Variants in EPS15L1 observed in about 807,000 individuals in gnomAD.
EPS15L1 encodes the protein epidermal growth factor receptor pathway substrate 15 like 1.
A neutral mutation model predicts 117.1 loss-of-function variants in EPS15L1; 43 were observed. That is an observed-to-expected ratio of 0.37 (90% confidence interval 0.29 to 0.47). The LOEUF (loss-of-function observed/expected upper bound fraction) is 0.47, where lower values mean the gene tolerates loss of function less well. EPS15L1 is among the 20% of genes least tolerant of loss of function. The pLI is 0.99. For synonymous variants in EPS15L1, 459 were observed against 470.5 expected, an observed-to-expected ratio of 0.98 and a Z score of 0.32; for missense variants, 981 against 1,164.0, an observed-to-expected ratio of 0.84 and a Z score of 2.29.
intron 1 of EPS15L1, among the ~76,000 whole-genome samples, chr19:16,459,085 G>GT (rs2093224036): frequency 6.6e-6 from 1 of 152,318 alleles, no homozygotes; most frequent in African/African-American, 2.4e-5. Flanking sequence ...AAGTAGCTGC[G>GT]TATCTAAACA....
At chr19:16,410,951 T>G (rs1568427699) in intron 13 of EPS15L1, among the ~76,000 whole-genome samples, 2 of 152,092 alleles carry the variant, frequency 1.3e-5, no homozygotes, top group South Asian at 4.1e-4. Flanking sequence ...CAATGGAATA[T>G]TATTCTGCCA....
intron 13 of EPS15L1, among the ~76,000 whole-genome samples, chr19:16,411,090 T>G (rs1252867379): frequency 6.6e-6 from 1 of 152,024 alleles, no homozygotes; most frequent in Admixed American, 6.6e-5. Context: ...TGTCCGGAAC[T>G]CCAGGTACCT....
chr19:16,453,931 G>A (rs1032646973), intron 1 of EPS15L1, among the ~76,000 whole-genome samples: 12 of 150,366 alleles, frequency 8.0e-5, no homozygotes, highest in African/African-American at 2.7e-4. Flanking sequence ...CCTTGGCAAG[G>A]ACCCTAATGG....
At chr19:16,407,451 G>A (rs2092667479) in intron 13 of EPS15L1, among the ~76,000 whole-genome samples, 1 of 152,118 alleles carries the variant, frequency 6.6e-6, no homozygotes, top group Non-Finnish European at 1.5e-5. Flanking sequence ...GACTACAGGT[G>A]CACGCCACCA....
intron 8 of EPS15L1, among the ~76,000 whole-genome samples, chr19:16,426,512 A>G (rs1319943819): frequency 6.6e-6 from 1 of 152,082 alleles, no homozygotes; most frequent in Admixed American, 6.6e-5. Flanking sequence ...GGTGGTGGGC[A>G]CCTATAATCC....
chr19:16,428,768 G>C lies in EPS15L1; in HGVS notation c.499-7C>G. On this transcript the variant is annotated splice_polypyrimidine_tract_variant and splice_region_variant and intron_variant, in intron 7 of 23. Transcript: ENST00000455140. The stretch of plus-strand genomic sequence containing the variant: ...TGTCACTGAGGTCCCAGACCTGCAA[G>C]GGAGAGACCAGCATGGGTAACTGTG... 6.2e-7 allele frequency: 1 copy of C among 1,607,416 alleles called. No individual in the cohort carries two copies. The highest frequency in any genetic ancestry group is 8.5e-7 in the Non-Finnish European group (1 of 1,177,028).
intron 7 of EPS15L1, among the ~76,000 whole-genome samples, chr19:16,433,622 G>A (rs1272906024): frequency 4.0e-5 from 6 of 151,892 alleles, no homozygotes; most frequent in Admixed American, 2.0e-4. Flanking sequence ...CTGGCAGTTC[G>A]AGACCAGCCT....
intron 7 of EPS15L1, among the ~76,000 whole-genome samples, chr19:16,434,072 T>C (rs1188058839): frequency 6.6e-6 from 1 of 152,216 alleles, no homozygotes; most frequent in Non-Finnish European, 1.5e-5. Flanking sequence ...AAGACTGAGC[T>C]CTACTGGTCC....
chr19:16,382,322 CT>C (rs2144727066), intron 21 of EPS15L1, among the ~76,000 whole-genome samples: 1 of 152,346 alleles, frequency 6.6e-6, no homozygotes, highest in Admixed American at 6.5e-5. Flanking sequence ...GGACTCAACT[CT>C]TTCCTACTCG....
At chr19:16,428,644 C>T in intron 8 of EPS15L1, 58 bp downstream of exon 8, 1 of 1,280,908 alleles carries the variant, frequency 7.8e-7, no homozygotes, top group Non-Finnish European at 1.1e-6. Flanking sequence ...ATCCAGCAAC[C>T]CCTGCGCACT....
At chr19:16,451,751 G>A (rs1211612076) in intron 1 of EPS15L1, among the ~76,000 whole-genome samples, 2 of 150,670 alleles carry the variant, frequency 1.3e-5, no homozygotes, top group Non-Finnish European at 3.0e-5. Flanking sequence ...GGATGGTCTC[G>A]ATCTCCTGAC....
intron 16 of EPS15L1, among the ~76,000 whole-genome samples, chr19:16,395,885 C>T (rs1218579981): frequency 6.8e-6 from 1 of 147,710 alleles, no homozygotes; most frequent in African/African-American, 2.5e-5. Context: ...GTGGAGGTTG[C>T]AGTGAGCTGA....
intron 23 of EPS15L1, chr19:16,356,653 C>T (rs776189471): frequency 3.9e-5 from 6 of 152,204 alleles, no homozygotes; most frequent in Non-Finnish European, 8.8e-5. Flanking sequence ...AGGTGTGGCA[C>T]TTACACTGCC....
At chr19:16,455,490 C>CAT (rs1418409556) in intron 1 of EPS15L1, among the ~76,000 whole-genome samples, 1 of 152,236 alleles carries the variant, frequency 6.6e-6, no homozygotes, top group Admixed American at 6.5e-5. Context: ...CGATGCACTG[C>CAT]CCTGTGGAGG....
intron 1 of EPS15L1, among the ~76,000 whole-genome samples, chr19:16,448,995 C>CA (rs2093114230): frequency 6.6e-6 from 1 of 152,102 alleles, no homozygotes; most frequent in African/African-American, 2.4e-5. Flanking sequence ...ATGGGCAAGC[C>CA]AGGCATGGTG....
intron 8 of EPS15L1, among the ~76,000 whole-genome samples, chr19:16,428,442 A>AGGAAGGAG (rs1555758322): frequency 1.4e-4 from 16 of 112,706 alleles, no homozygotes; most frequent in Admixed American, 6.5e-4. Context: ...GAAGGAAGGA[A>AGGAAGGAG]GGAGGGAGGG....
chr19:16,402,027 G>T, intron 16 of EPS15L1: 1 of 1,151,762 alleles, frequency 8.7e-7, no homozygotes. Flanking sequence ...CTCTGAACTT[G>T]GGTGGTTGGC....
intron 1 of EPS15L1, among the ~76,000 whole-genome samples, chr19:16,456,588 C>G (rs190899713): frequency 4.2e-4 from 63 of 151,656 alleles, no homozygotes; most frequent in African/African-American, 1.5e-3. Flanking sequence ...ACCCAGGAGG[C>G]TAGAGGTTGC....
chr19:16,428,724 A>C lies in EPS15L1; in HGVS notation c.536T>G (p.Leu179Trp). The C allele has an allele frequency of 6.2e-7, 1 of 1,611,772 alleles. No individual in the cohort carries two copies. Among genetic ancestry groups the C allele is most frequent in the Non-Finnish European group, 8.5e-7 (1 of 1,179,296 alleles). Residue 179 changes from leucine (L) to tryptophan (W), a missense_variant, in exon 8 of 24, where the codon TTG becomes TGG. Around this residue, in one of 5 missense-constraint regions of EPS15L1, gnomAD observed 819 missense variants for 949.0 expected, o/e 0.86. Transcript: ENST00000455140. Reference protein sequence around the residue: ...DLSDIDKDGHLDRDEFAVAMH... With the variant: ...DLSDIDKDGHWDRDEFAVAMH... ...TACCACAGCGAACTCATCTCGATCC[A>C]AGTGCCCATCCTTGTCAATGTCACT...
Sources: allele counts gnomAD v4.1 joint callset (sites outside exome capture counted in the v4.1 genomes callset), GRCh38; gene constraint gnomAD v4.1.1; regional missense constraint gnomAD v4.1.1; transcripts MANE v1.5; gene names NCBI Gene and HGNC (gene_info 2026-07-23, HGNC 2026-07-21).